The following EFNA5 variants were observed in gnomAD, a reference collection of about 807,000 sequenced individuals.
The protein encoded by EFNA5 is ephrin A5.
Under a neutral mutation model 22.9 loss-of-function variants are expected in EFNA5, and 5 were observed. That is an observed-to-expected ratio of 0.22 (90% CI 0.11 to 0.46). The LOEUF (loss-of-function observed/expected upper bound fraction) is 0.46, where lower values mean the gene tolerates loss of function less well. Ranked by LOEUF, EFNA5 falls within the 20% of genes least tolerant of loss-of-function variation. EFNA5 has a pLI of 0.99. For synonymous variants in EFNA5, 113 were observed against 112.2 expected (o/e 1.01, Z -0.04); for missense variants, 237 against 293.3 (o/e 0.81, Z 1.40).
chr5:107,625,509 A>G lies in EFNA5; in HGVS notation c.125+44980T>C, dbSNP rs190544982. Among the ~76,000 whole-genome samples the G allele has an allele frequency of 2.6e-5, 4 of 152,302 alleles. No homozygotes were observed. The East Asian group carries it at 7.7e-4, about 29-fold the overall frequency. Reference sequence around the variant, plus strand: ...ACAAAACATGTTATAATTTGAAGCAATTTATTCACATCTAAAATTATTACT... The same window carrying G: ...ACAAAACATGTTATAATTTGAAGCAGTTTATTCACATCTAAAATTATTACT... On this transcript the variant is annotated intron_variant, in intron 1 of 4. Coordinates refer to ENST00000333274, the MANE Select transcript of EFNA5 (RefSeq NM_001962.3).
intron 1 of EFNA5, among the ~76,000 whole-genome samples, chr5:107,655,223 T>C (rs1258176057): frequency 3.9e-5 from 6 of 152,134 alleles, no homozygotes; most frequent in African/African-American, 1.4e-4. Context: ...TCATCAGACA[T>C]GGAATCCAAG....
intron 1 of EFNA5, among the ~76,000 whole-genome samples, chr5:107,635,037 T>A (rs1376299378): frequency 6.6e-6 from 1 of 152,214 alleles, no homozygotes; most frequent in East Asian, 1.9e-4. Flanking sequence ...TTAGTCTACA[T>A]GAGAGCTAAT....
At chr5:107,668,839 C>G (rs1751123937) in intron 1 of EFNA5, among the ~76,000 whole-genome samples, 1 of 152,210 alleles carries the variant, frequency 6.6e-6, no homozygotes, top group African/African-American at 2.4e-5. Flanking sequence ...TAAAAGGCAT[C>G]TCTCCTCTGG....
At chr5:107,546,006 C>A (rs552714598) in intron 1 of EFNA5, among the ~76,000 whole-genome samples, 12 of 152,162 alleles carry the variant, frequency 7.9e-5, no homozygotes, top group African/African-American at 2.7e-4. Context: ...AATAACATGC[C>A]TGCAATCAGA....
chr5:107,498,505 A>C (rs1389406171), intron 1 of EFNA5, among the ~76,000 whole-genome samples: 1 of 152,214 alleles, frequency 6.6e-6, no homozygotes, highest in Non-Finnish European at 1.5e-5. Flanking sequence ...ATCATAGTCT[A>C]TCAGAATTCT....
intron 2 of EFNA5, chr5:107,388,471 T>C (rs1433665884): frequency 1.3e-5 from 2 of 152,134 alleles, no homozygotes; most frequent in African/African-American, 4.8e-5. Context: ...AGGATGGAAT[T>C]AATAAAGTGG....
chr5:107,399,393 AAG>A (rs1357165302), intron 2 of EFNA5, among the ~76,000 whole-genome samples: 1 of 144,644 alleles, frequency 6.9e-6, no homozygotes, highest in African/African-American at 2.6e-5. Flanking sequence ...GGAAGGAAAG[AAG>A]AGAGAGAGAA....
chr5:107,403,168 G>A lies in EFNA5; in HGVS notation c.419-15397C>T, dbSNP rs1748128346. On this transcript the variant is annotated intron_variant, in intron 2 of 4. Transcript: ENST00000333274. ...CGCCAGTCTCCAGAACCATCCACAG[G>A]GAAGCAGAAGGAGTGTTTACTATAC... Among the ~76,000 whole-genome samples the A allele has an allele frequency of 2.0e-5, 3 of 152,102 alleles. No homozygotes were observed. The South Asian group carries it at 6.2e-4, about 31-fold the overall frequency.
At chr5:107,648,617 C>T (rs1435319938) in intron 1 of EFNA5, among the ~76,000 whole-genome samples, 1 of 152,108 alleles carries the variant, frequency 6.6e-6, no homozygotes, top group Non-Finnish European at 1.5e-5. Flanking sequence ...AGATACAGCA[C>T]AGTTGCGATC....
intron 1 of EFNA5, among the ~76,000 whole-genome samples, chr5:107,615,395 G>A (rs913057763): frequency 4.6e-5 from 7 of 152,218 alleles, no homozygotes; most frequent in Middle Eastern, 3.4e-3. Flanking sequence ...ACATTCAGGG[G>A]GAGGGGGGAG....
chr5:107,429,440 G>A (rs569840333), intron 1 of EFNA5, among the ~76,000 whole-genome samples: 6 of 152,114 alleles, frequency 3.9e-5, no homozygotes, highest in African/African-American at 1.2e-4. Flanking sequence ...AGTGAGACTC[G>A]GTCTCACAAA....
At chr5:107,496,356 A>AC (rs1193931652) in intron 1 of EFNA5, among the ~76,000 whole-genome samples, 2 of 148,808 alleles carry the variant, frequency 1.3e-5, no homozygotes, top group Non-Finnish European at 3.0e-5. Context: ...AAAAAAAACA[A>AC]AAAAACAAAA....
At chr5:107,538,741 G>A (rs1247940759) in intron 1 of EFNA5, among the ~76,000 whole-genome samples, 1 of 152,196 alleles carries the variant, frequency 6.6e-6, no homozygotes, top group African/African-American at 2.4e-5. Flanking sequence ...AGATAAAGTG[G>A]TTACTCCACG....
intron 2 of EFNA5, among the ~76,000 whole-genome samples, chr5:107,409,818 T>A (rs1357864657): frequency 2.0e-5 from 3 of 152,120 alleles, no homozygotes; most frequent in Non-Finnish European, 1.5e-5. Flanking sequence ...TAGGTACAAG[T>A]ATGTCTCAGG....
intron 1 of EFNA5, among the ~76,000 whole-genome samples, chr5:107,593,356 T>C (rs1749414764): frequency 6.6e-6 from 1 of 152,168 alleles, no homozygotes; most frequent in South Asian, 2.1e-4. Context: ...ACAAATCTGT[T>C]CTTTCTGGAA....
At chr5:107,650,996 CAA>C (rs1750717038) in intron 1 of EFNA5, among the ~76,000 whole-genome samples, 1 of 152,162 alleles carries the variant, frequency 6.6e-6, no homozygotes, top group Admixed American at 6.6e-5. Context: ...AAATGCTCAA[CAA>C]AGAGGAATAA....
intron 1 of EFNA5, among the ~76,000 whole-genome samples, chr5:107,637,498 GTGTGTGTGTGTGTGTGTGTC>G (rs1413895477): frequency 1.4e-5 from 2 of 139,236 alleles, no homozygotes; most frequent in African/African-American, 3.0e-5. Context: ...GCAAGGCACT[GTGTGTGTGTGTGTGTGTGTC>G]TGTGTGTGTG....
rs547634349 is a variant in EFNA5 at position 107,472,744 on chromosome 5, C to T, written c.126-45235G>A. On this transcript the variant is annotated intron_variant, in intron 1 of 4. Transcript: ENST00000333274. ...GCACAGAGATCAAGCCAAGCCAGCT[C>T]TGGCAGCTTATTTGCACCAAAAAGG... Among the ~76,000 whole-genome samples, 45 of 152,296 alleles carry T rather than the reference C, an allele frequency of 3.0e-4. No homozygotes were observed. In the South Asian group the frequency reaches 8.9e-3, roughly 30 times the overall value.
At chr5:107,448,600 G>A (rs928912548) in intron 1 of EFNA5, among the ~76,000 whole-genome samples, 2 of 152,002 alleles carry the variant, frequency 1.3e-5, no homozygotes, top group Non-Finnish European at 2.9e-5. Context: ...GAAGGCTGAG[G>A]CGGGCGGATC....
Sources: gnomAD v4.1 joint callset for allele counts (sites outside exome capture counted in the v4.1 genomes callset) on GRCh38, gnomAD v4.1.1 for gene constraint, MANE v1.5 for transcripts, NCBI Gene and HGNC (gene_info 2026-07-23, HGNC 2026-07-21) for gene names.